COL14A1: variants seen among roughly 807,000 people sequenced by gnomAD.
COL14A1 encodes the protein collagen alpha-1(XIV) chain.
Under a neutral mutation model 230.3 loss-of-function variants are expected in COL14A1, and 136 were observed. The observed-to-expected ratio is 0.59, with a 90% CI of 0.51 to 0.68. The LOEUF is 0.68. Ranked by LOEUF, COL14A1 falls within the 30% of genes least tolerant of loss-of-function variation. The probability of loss-of-function intolerance (pLI) is 0.00; values close to 1 mark genes in which losing one functional copy is unlikely to be tolerated. For synonymous variants in COL14A1, 792 were observed against 784.1 expected, an observed-to-expected ratio of 1.01 and a Z score of -0.17; for missense variants, 1,976 against 2,215.8, an observed-to-expected ratio of 0.89 and a Z score of 2.17.
intron 45 of COL14A1, among the ~76,000 whole-genome samples, chr8:120,356,797 A>C (rs965680316): frequency 4.6e-5 from 7 of 150,746 alleles, no homozygotes; most frequent in African/African-American, 1.7e-4. Flanking sequence ...CCTGCCTCTC[A>C]TTTCTTGAAA....
intron 45 of COL14A1, among the ~76,000 whole-genome samples, chr8:120,357,972 A>G (rs1427218948): frequency 6.6e-6 from 1 of 152,224 alleles, no homozygotes; most frequent in Non-Finnish European, 1.5e-5. Context: ...TTTTCAAACC[A>G]AACACAAAGA....
intron 34 of COL14A1, among the ~76,000 whole-genome samples, chr8:120,293,047 C>G (rs1368749763): frequency 2.6e-5 from 4 of 152,022 alleles, no homozygotes; most frequent in Admixed American, 6.6e-5. Flanking sequence ...CTTCTCCTTT[C>G]CAAACTTTTT....
At chr8:120,250,232 G>C (rs956894602) in intron 21 of COL14A1, among the ~76,000 whole-genome samples, 4 of 152,158 alleles carry the variant, frequency 2.6e-5, no homozygotes, top group Non-Finnish European at 5.9e-5. Flanking sequence ...TATGACTGCC[G>C]CTTGTGTGCC....
intron 4 of COL14A1, among the ~76,000 whole-genome samples, chr8:120,166,914 G>GTGTGTGTGTGTGTGTA (rs1563646716): frequency 1.3e-5 from 2 of 149,132 alleles, no homozygotes; most frequent in Non-Finnish European, 3.0e-5. Context: ...GTGTGTGTGT[G>GTGTGTGTGTGTGTGTA]TGTGTGTGGT....
intron 3 of COL14A1, among the ~76,000 whole-genome samples, chr8:120,160,840 A>G (rs1563642769): frequency 6.6e-6 from 1 of 152,226 alleles, no homozygotes; most frequent in Non-Finnish European, 1.5e-5. Context: ...AAATAGTTTA[A>G]TGGTCAAATA....
At chr8:120,210,274 C>A (rs1202501816) in intron 12 of COL14A1, among the ~76,000 whole-genome samples, 1 of 152,070 alleles carries the variant, frequency 6.6e-6, no homozygotes, top group Non-Finnish European at 1.5e-5. Context: ...AGATAGCTTG[C>A]TATATAAATA....
chr8:120,372,313 G>A lies in COL14A1; in HGVS notation c.*1082G>A, dbSNP rs1812186268. Among the ~76,000 whole-genome samples, 1 of 152,170 alleles carries A rather than the reference G, an allele frequency of 6.6e-6. No homozygotes were observed. The highest frequency in any genetic ancestry group is 1.5e-5 in the Non-Finnish European group (1 of 68,028). On this transcript the variant is annotated 3_prime_UTR_variant, in exon 48 of 48. Transcript: ENST00000297848. ...AATGCATGACCTCTGCTAAATAAAT[G>A]TTTATCAATAGTTGACTGAGGAGCC... is the stretch of plus-strand genomic sequence containing the variant.
chr8:120,280,280 T>G (rs1819995388), intron 29 of COL14A1, among the ~76,000 whole-genome samples, 181 bp downstream of exon 29: 1 of 152,180 alleles, frequency 6.6e-6, no homozygotes, highest in Non-Finnish European at 1.5e-5. Context: ...CTCCTCTGTT[T>G]AGAGTTTAGA....
At chr8:120,279,428 C>G (rs984461951) in intron 28 of COL14A1, among the ~76,000 whole-genome samples, 10 of 151,882 alleles carry the variant, frequency 6.6e-5, no homozygotes, top group Admixed American at 6.6e-4. Flanking sequence ...GAGATTCTCA[C>G]AGGACTGCTG....
chr8:120,226,917 A>G, intron 16 of COL14A1, 151 bp downstream of exon 16: 1 of 708,802 alleles, frequency 1.4e-6, no homozygotes, highest in Non-Finnish European at 2.2e-6. Flanking sequence ...TCAAATCATA[A>G]GATTTTCCTA....
chr8:120,371,827 T>C lies in COL14A1; in HGVS notation c.*596T>C. The C allele has an allele frequency of 2.6e-6, 1 of 385,354 alleles. No individual in the cohort carries two copies. Among genetic ancestry groups the C allele is most frequent in the East Asian group, 3.7e-5 (1 of 27,290 alleles). 23.9% of individuals were successfully genotyped at this position (385,354 alleles called of 1,614,324 possible). A position where few individuals can be genotyped will look rare whatever the true frequency, so the allele number is the denominator to read the frequency against. The stretch of plus-strand genomic sequence containing the variant: ...TGAATTTGGTAGTTTAAGAAACAGA[T>C]TTAGTTTTTCAGTGGTTTTAACTCA... On this transcript the variant is annotated 3_prime_UTR_variant, in exon 48 of 48. Transcript: ENST00000297848.
intron 45 of COL14A1, among the ~76,000 whole-genome samples, chr8:120,361,749 A>G (rs1823226511): frequency 6.6e-6 from 1 of 152,154 alleles, no homozygotes; most frequent in South Asian, 2.1e-4. Flanking sequence ...TCTGGGGATG[A>G]GGAAGGAGTG....
intron 34 of COL14A1, among the ~76,000 whole-genome samples, chr8:120,295,458 A>G (rs1255710826): frequency 4.0e-5 from 6 of 151,806 alleles, no homozygotes; most frequent in Non-Finnish European, 1.5e-5. Flanking sequence ...AGATGTAAAG[A>G]TATATGCAAA....
chr8:120,133,014 G>A (rs1228055494), intron 1 of COL14A1, among the ~76,000 whole-genome samples: 5 of 152,040 alleles, frequency 3.3e-5, no homozygotes, highest in African/African-American at 7.2e-5. Context: ...TCAGGAGATC[G>A]AGACCATCCT....
rs1386309377 is a variant in COL14A1 at position 120,285,776 on chromosome 8, A to G, written c.3968-85A>G. ...AATACAGTTTCAAAACAATCGATGC[A>G]TTGTTTTGTTTTGAGTTGAATTTTA... On this transcript the variant is annotated intron_variant, in intron 32 of 47. Coordinates refer to ENST00000297848, the MANE Select transcript of COL14A1 (RefSeq NM_021110.4). The G allele has an allele frequency of 2.0e-5, 17 of 837,678 alleles. No individual in the cohort carries two copies. The East Asian group carries it at 3.5e-4, about 17-fold the overall frequency. 51.9% of individuals were successfully genotyped at this position (837,678 alleles called of 1,614,324 possible). A position where few individuals can be genotyped will look rare whatever the true frequency, so the allele number is the denominator to read the frequency against.
rs571377672 is a variant in COL14A1 at position 120,343,206 on chromosome 8, G to A, written c.4888+760G>A. On this transcript the variant is annotated intron_variant, in intron 44 of 47. Coordinates refer to ENST00000297848, the MANE Select transcript of COL14A1 (RefSeq NM_021110.4). ...TCTAATCAGATGGTTACTAGTGTGGGCCCTTCGCTTTGCCAGTAATTTGTT... is the reference window on the plus strand; with the variant it reads ...TCTAATCAGATGGTTACTAGTGTGGACCCTTCGCTTTGCCAGTAATTTGTT... 7.2e-4 allele frequency among the ~76,000 whole-genome samples: 110 copies of A among 152,216 alleles called. 1 individual carries two copies. Among genetic ancestry groups the A allele is most frequent in the African/African-American group, 2.5e-3 (105 of 41,522 alleles).
rs150968309 is a variant in COL14A1, at chr8:120,207,785, A to C, written c.1192-447A>C. Among the ~76,000 whole-genome samples, 463 of 151,536 alleles carry C rather than the reference A, an allele frequency of 3.1e-3. 6 individuals are homozygous for C. The highest frequency in any genetic ancestry group is 0.01 in the African/African-American group (423 of 41,322). ...AATGTTCTGTGTTATGGTAGGATTT[A>C]TGATATTTTTTAAGTGTTAGAAAAG... On this transcript the variant is annotated intron_variant, in intron 10 of 47. Transcript: ENST00000297848.
intron 8 of COL14A1, among the ~76,000 whole-genome samples, chr8:120,199,965 C>T (rs554955857): frequency 6.9e-5 from 9 of 131,132 alleles, no homozygotes; most frequent in African/African-American, 8.7e-5. Flanking sequence ...CCTGCAACTA[C>T]GTAAAGAAGA....
chr8:120,360,468 T>C (rs764384310), intron 45 of COL14A1, among the ~76,000 whole-genome samples: 5 of 152,178 alleles, frequency 3.3e-5, no homozygotes, highest in Non-Finnish European at 5.9e-5. Flanking sequence ...TACCAAACCA[T>C]TTCTGGCCCC....
Sources: allele counts gnomAD v4.1 joint callset (sites outside exome capture counted in the v4.1 genomes callset), GRCh38; gene constraint gnomAD v4.1.1; transcripts MANE v1.5; gene names NCBI Gene and HGNC (gene_info 2026-07-23, HGNC 2026-07-21).